The following FREM2 variants were observed in gnomAD, a reference collection of about 807,000 sequenced individuals.
The protein encoded by FREM2 is FRAS1-related extracellular matrix protein 2.
In FREM2, 119 loss-of-function variants were observed where a neutral mutation model predicts 219.9. That is an observed-to-expected ratio of 0.54 (90% CI 0.47 to 0.63). FREM2 has a LOEUF of 0.63. Among genes scored for constraint, FREM2 ranks in the 30% least tolerant of loss-of-function variants. The pLI, the probability that FREM2 is intolerant of heterozygous loss-of-function variation, is 0.00. For missense variants in FREM2, 4,030 were observed against 3,993.6 expected, an observed-to-expected ratio of 1.01 and a Z score of -0.25; for synonymous variants, 1,562 against 1,522.8, an observed-to-expected ratio of 1.03 and a Z score of -0.60.
Position 38,874,339 on chromosome 13 carries a change from T to C in FREM2, c.8177-143T>C, listed in dbSNP as rs4943614. 113,385 of 694,596 alleles carry C rather than the reference T, an allele frequency of 0.16. 11,278 individuals are homozygous for C. Among genetic ancestry groups the C allele is most frequent in the Admixed American group, 0.33 (15,015 of 46,070 alleles). 43.0% of individuals were successfully genotyped at this position (694,596 alleles called of 1,614,324 possible). A position where few individuals can be genotyped will look rare whatever the true frequency, so the allele number is the denominator to read the frequency against. On this transcript the variant is annotated intron_variant, in intron 17 of 23. Transcript: ENST00000280481. Reference sequence around the variant, plus strand: ...AAGAAAATGAAGATACTTCTGCCTCTGTTATTCAGAATTCTTCTGATAATA... The same window carrying C: ...AAGAAAATGAAGATACTTCTGCCTCCGTTATTCAGAATTCTTCTGATAATA...
At chr13:38,880,229 G>C in intron 23 of FREM2, 55 bp from the exon 24 acceptor site, 1 of 1,546,936 alleles carries the variant, frequency 6.5e-7, no homozygotes, top group Non-Finnish European at 8.9e-7. Flanking sequence ...AAGAGTCGTG[G>C]ATTAGATTGA....
At chr13:38,739,285 C>T (rs1166894279) in intron 2 of FREM2, among the ~76,000 whole-genome samples, 2 of 152,096 alleles carry the variant, frequency 1.3e-5, no homozygotes, top group African/African-American at 4.8e-5. Flanking sequence ...TGAAACTGCT[C>T]CATGGATTTA....
rs186980482 is a variant in FREM2 at position 38,876,299 on chromosome 13, C to G, written c.8461C>G (p.Pro2821Ala). The change falls in exon 20 of 24, where the codon CCA becomes GCA. Residue 2821 changes from proline (P) to alanine (A), a missense_variant. Pro to Ala is a conservative substitution (Grantham distance 27). This residue lies in a region of FREM2 where 928 missense variants were observed against 1,042.9 expected (regional missense o/e 0.89). Coordinates refer to ENST00000280481, the MANE Select transcript of FREM2 (RefSeq NM_207361.6). The part of the protein sequence containing the change: ...YTVKLVPCTA[P>A]SHQEYRLPVT... ...TGTGAAGCTGGTGCCATGCACTGCC[C>G]CATCACATCAGGAATACCGCCTGCC... 321 of 1,613,972 alleles carry G rather than the reference C, an allele frequency of 2.0e-4. 4 individuals carry two copies. In the East Asian group the frequency reaches 7.0e-3, roughly 35 times the overall value.
chr13:38,813,304 A>C (rs1023864033), intron 6 of FREM2, among the ~76,000 whole-genome samples: 22 of 151,796 alleles, frequency 1.4e-4, no homozygotes, highest in African/African-American at 5.1e-4. Context: ...TTTCTCCTTC[A>C]GTTTTGAAGG....
intron 2 of FREM2, among the ~76,000 whole-genome samples, chr13:38,727,575 G>A (rs1475814408): frequency 2.0e-5 from 3 of 152,218 alleles, no homozygotes; most frequent in African/African-American, 7.2e-5. Context: ...AACATTACAA[G>A]CTGCATGAAG....
intron 1 of FREM2, among the ~76,000 whole-genome samples, chr13:38,696,819 T>C (rs1413499525): frequency 6.6e-6 from 1 of 151,978 alleles, no homozygotes; most frequent in African/African-American, 2.4e-5. Context: ...ACTTTTTTTT[T>C]TTTTTTGAGA....
chr13:38,705,596 C>G (rs1459576680), intron 2 of FREM2, among the ~76,000 whole-genome samples: 1 of 152,142 alleles, frequency 6.6e-6, no homozygotes, highest in Non-Finnish European at 1.5e-5. Context: ...GAGACTTCCT[C>G]AGCCTCAGTT....
chr13:38,797,712 T>C (rs1874848222), intron 6 of FREM2, among the ~76,000 whole-genome samples: 1 of 152,066 alleles, frequency 6.6e-6, no homozygotes, highest in African/African-American at 2.4e-5. Flanking sequence ...CCCATTTTTT[T>C]CCTAGTAGTT....
intron 4 of FREM2, among the ~76,000 whole-genome samples, chr13:38,772,896 C>G (rs1873725395): frequency 6.6e-6 from 1 of 151,890 alleles, no homozygotes; most frequent in African/African-American, 2.4e-5. Context: ...GGGGTTTCAC[C>G]ACGTTGGCCA....
chr13:38,860,316 A>G (rs1877714980), intron 14 of FREM2, among the ~76,000 whole-genome samples: 1 of 152,122 alleles, frequency 6.6e-6, no homozygotes, highest in Non-Finnish European at 1.5e-5. Context: ...TTGGGGATGG[A>G]GAATAGGATG....
At position 38,857,888 on chromosome 13, in the gene FREM2, T is replaced by C; in HGVS notation, c.7070T>C (p.Ile2357Thr). The change falls in exon 13 of 24, where the codon ATT (isoleucine) becomes ACT (threonine). Residue 2357 changes from isoleucine (I) to threonine (T), a missense_variant. By Grantham distance (89) the Ile-to-Thr change is moderately conservative. Around this residue, in one of 2 missense-constraint regions of FREM2, gnomAD observed 928 missense variants for 1,042.9 expected, o/e 0.89. Transcript: ENST00000280481. ...MIAEMQLTKA[I>T]VYIEEMSSMA... is the part of the protein sequence containing the mutation. ...TTTTCCTTCTAGTTGACGAAAGCCA[T>C]TGTGTACATAGAAGAAATGAGCAGC... The C allele has an allele frequency of 1.2e-6, 2 of 1,613,740 alleles. No homozygotes were observed. The highest frequency in any genetic ancestry group is 2.2e-5 in the East Asian group (1 of 44,872).
At chr13:38,778,845 C>T (rs1470464062) in intron 4 of FREM2, among the ~76,000 whole-genome samples, 1 of 152,120 alleles carries the variant, frequency 6.6e-6, no homozygotes, top group Non-Finnish European at 1.5e-5. Flanking sequence ...ATATTTCATA[C>T]TAATGCCACA....
rs756404904 is a variant in FREM2, at chr13:38,687,311, C to T, written c.-34C>T. 3 of 1,573,194 alleles carry T rather than the reference C, an allele frequency of 1.9e-6. No individual in the cohort carries two copies. Among genetic ancestry groups the T allele is most frequent in the African/African-American group, 1.4e-5 (1 of 74,004 alleles). On this transcript the variant is annotated 5_prime_UTR_variant, in exon 1 of 24. Coordinates refer to ENST00000280481, the MANE Select transcript of FREM2 (RefSeq NM_207361.6). ...CCCGGGGACCGACTTCGCATGCTCTCAGGCTGACCTGTCCAAGCCCGAACA... is the reference window on the plus strand; with the variant it reads ...CCCGGGGACCGACTTCGCATGCTCTTAGGCTGACCTGTCCAAGCCCGAACA...
intron 2 of FREM2, among the ~76,000 whole-genome samples, chr13:38,737,189 T>TACAG (rs570518099): frequency 6.6e-4 from 101 of 152,324 alleles, no homozygotes; most frequent in Non-Finnish European, 1.3e-3. Context: ...CCACCCCTAA[T>TACAG]ACAGACCCTT....
chr13:38,734,691 A>G (rs900962290), intron 2 of FREM2, among the ~76,000 whole-genome samples: 1 of 147,754 alleles, frequency 6.8e-6, no homozygotes, highest in African/African-American at 2.6e-5. Context: ...AGCAGTAACT[A>G]TATGTTCCTA....
At chr13:38,864,067 G>T (rs1377201372) in intron 15 of FREM2, among the ~76,000 whole-genome samples, 2 of 151,928 alleles carry the variant, frequency 1.3e-5, no homozygotes, top group Non-Finnish European at 2.9e-5. Context: ...GACCTCAGAT[G>T]ATCCACCCAC....
intron 2 of FREM2, among the ~76,000 whole-genome samples, chr13:38,753,384 TG>T (rs1872856246): frequency 6.6e-6 from 1 of 152,214 alleles, no homozygotes; most frequent in South Asian, 2.1e-4. Context: ...GTGAAATCCC[TG>T]GGAATTTAAA....
At chr13:38,715,420 C>A (rs1215314501) in intron 2 of FREM2, among the ~76,000 whole-genome samples, 1 of 152,158 alleles carries the variant, frequency 6.6e-6, no homozygotes, top group Admixed American at 6.5e-5. Flanking sequence ...GAAGACTTGA[C>A]CAATAATGCC....
At chr13:38,711,729 C>T (rs924187077) in intron 2 of FREM2, among the ~76,000 whole-genome samples, 1 of 152,006 alleles carries the variant, frequency 6.6e-6, no homozygotes. Flanking sequence ...TTTAAAAGCA[C>T]TTTAGGATTT....
Sources: gnomAD v4.1 joint callset for allele counts (sites outside exome capture counted in the v4.1 genomes callset) on GRCh38, gnomAD v4.1.1 for gene constraint, gnomAD v4.1.1 regional missense constraint, MANE v1.5 for transcripts, NCBI Gene and HGNC (gene_info 2026-07-23, HGNC 2026-07-21) for gene names.